STX6: variants seen among roughly 807,000 people sequenced by gnomAD.
STX6 encodes syntaxin-6.
STX6 carries 23 observed loss-of-function variants against 38.0 expected under a neutral mutation model. The ratio of observed to expected loss-of-function variants is 0.60; its 90% CI spans 0.43 to 0.86. The LOEUF is 0.86. Ranked by LOEUF, STX6 falls within the 40% of genes least tolerant of loss-of-function variation. The pLI is 0.00. For missense variants in STX6, 274 were observed against 312.9 expected (o/e 0.88, Z 0.94); for synonymous variants, 123 against 107.5 (o/e 1.14, Z -0.89).
Position 180,974,398 on chromosome 1 carries a change from A to G in STX6, c.*2172T>C, listed in dbSNP as rs1182980265. On this transcript the variant is annotated 3_prime_UTR_variant, in exon 8 of 8. Coordinates refer to ENST00000258301, the MANE Select transcript of STX6 (RefSeq NM_005819.6). ...TTAAATCAGTGAGGTAAGCACGCCG[A>G]TTTGAAATATATCCAAACATCATTA... 1 of 152,616 alleles carries G rather than the reference A, an allele frequency of 6.6e-6. No homozygotes were observed. Among genetic ancestry groups the G allele is most frequent in the Non-Finnish European group, 1.5e-5 (1 of 68,048 alleles). The allele number at this position is 152,616 out of a possible 1,614,324, so 9.5% of individuals were successfully genotyped here. A position where few individuals can be genotyped will look rare whatever the true frequency, so the allele number is the denominator to read the frequency against.
intron 1 of STX6, among the ~76,000 whole-genome samples, chr1:181,009,204 T>C (rs1428350470): frequency 1.3e-5 from 2 of 152,272 alleles, no homozygotes; most frequent in South Asian, 2.1e-4. Flanking sequence ...CAGTGGCTCA[T>C]GCCTGTAATC....
chr1:180,979,216 A>G (rs1655336501), intron 7 of STX6, among the ~76,000 whole-genome samples: 1 of 152,212 alleles, frequency 6.6e-6, no homozygotes, highest in Non-Finnish European at 1.5e-5. Context: ...TGAGCTTCAC[A>G]ATTTGTCAAC....
At chr1:180,980,655 A>C (rs976388267) in intron 7 of STX6, 1 of 140,842 alleles carries the variant, frequency 7.1e-6, no homozygotes, top group African/African-American at 2.7e-5. Flanking sequence ...CCTGGGTTCA[A>C]GCGATTCTCC....
intron 3 of STX6, among the ~76,000 whole-genome samples, chr1:181,001,888 A>C (rs1025519411): frequency 6.6e-6 from 1 of 152,250 alleles, no homozygotes; most frequent in African/African-American, 2.4e-5. Context: ...CTCGGAAATA[A>C]GCCTGACAGG....
chr1:181,004,859 T>C (rs1201824509), intron 2 of STX6, among the ~76,000 whole-genome samples: 1 of 151,864 alleles, frequency 6.6e-6, no homozygotes, highest in African/African-American at 2.4e-5. Flanking sequence ...CTTGTGGGAC[T>C]GAGCTCTTAA....
At chr1:180,993,771 T>C (rs569045656) in intron 3 of STX6, among the ~76,000 whole-genome samples, 1 of 152,258 alleles carries the variant, frequency 6.6e-6, no homozygotes, top group South Asian at 2.1e-4. Flanking sequence ...CATTTTAAGG[T>C]TGAGGAGACC....
chr1:180,979,927 C>T (rs547790746), intron 7 of STX6, among the ~76,000 whole-genome samples: 3 of 152,252 alleles, frequency 2.0e-5, no homozygotes, highest in East Asian at 1.9e-4. Context: ...AGAGATGGGG[C>T]TGGGCAAGGT....
chr1:181,004,579 C>T (rs1391427476), intron 2 of STX6, among the ~76,000 whole-genome samples: 1 of 152,172 alleles, frequency 6.6e-6, no homozygotes, highest in African/African-American at 2.4e-5. Context: ...CCTGGAGGCA[C>T]CTGAAGAGGG....
chr1:181,000,265 ACT>A (rs1306666515), intron 3 of STX6, among the ~76,000 whole-genome samples: 2 of 152,204 alleles, frequency 1.3e-5, no homozygotes, highest in Non-Finnish European at 2.9e-5. Flanking sequence ...ACCTCTCATT[ACT>A]CTGTTCTCAC....
chr1:181,016,227 AT>A (rs1656552432), intron 1 of STX6, among the ~76,000 whole-genome samples: 1 of 82,492 alleles, frequency 1.2e-5, no homozygotes, highest in South Asian at 4.0e-4. Flanking sequence ...TCCCATCTTT[AT>A]CTTTCTCATT....
chr1:180,990,627 C>T (rs1210515667), intron 4 of STX6, among the ~76,000 whole-genome samples: 1 of 152,070 alleles, frequency 6.6e-6, no homozygotes, highest in African/African-American at 2.4e-5. Context: ...GGCACAAGAA[C>T]CATCAATGTC....
Position 180,975,582 on chromosome 1 carries a change from T to C in STX6, c.*988A>G, listed in dbSNP as rs1479926431. On this transcript the variant is annotated 3_prime_UTR_variant, in exon 8 of 8. Transcript: ENST00000258301. ...CCTTTTATGTCATTACGTTTCTTAATAAATGTAATAAATGTACTAACCACT... is the reference window on the plus strand; with the variant it reads ...CCTTTTATGTCATTACGTTTCTTAACAAATGTAATAAATGTACTAACCACT... 1 of 152,466 alleles carries C rather than the reference T, an allele frequency of 6.6e-6. No homozygotes were observed. The highest frequency in any genetic ancestry group is 1.5e-5 in the Non-Finnish European group (1 of 68,050). The allele number at this position is 152,466 out of a possible 1,614,324, so 9.4% of individuals were successfully genotyped here.
intron 1 of STX6, among the ~76,000 whole-genome samples, chr1:181,018,314 T>C (rs555319189): frequency 2.3e-5 from 3 of 132,194 alleles, no homozygotes; most frequent in Middle Eastern, 0.01. Context: ...ACCCAAGAGG[T>C]AGAGGTTGCA....
At chr1:180,995,817 C>T (rs1468155003) in intron 3 of STX6, among the ~76,000 whole-genome samples, 4 of 152,148 alleles carry the variant, frequency 2.6e-5, no homozygotes, top group Non-Finnish European at 5.9e-5. Flanking sequence ...AGCCTTTGAA[C>T]ATTACATGTA....
Position 180,984,775 on chromosome 1 carries a change from G to C in STX6, c.597-4C>G. On this transcript the variant is annotated splice_region_variant and splice_polypyrimidine_tract_variant and intron_variant, in intron 6 of 7. Transcript: ENST00000258301. ...GTGAGAGAAATCTTCCAACATACTA[G>C]AGAGAAGCAGACACAGAAGGTCGCT... 1.4e-6 allele frequency: 2 copies of C among 1,454,814 alleles called. No homozygotes were observed. The highest frequency in any genetic ancestry group is 1.9e-6 in the Non-Finnish European group (2 of 1,035,704). The allele number at this position is 1,454,814 out of a possible 1,614,324, so 90.1% of individuals were successfully genotyped here.
intron 2 of STX6, among the ~76,000 whole-genome samples, chr1:181,004,875 G>C (rs1270416782): frequency 6.6e-6 from 1 of 151,606 alleles, no homozygotes; most frequent in African/African-American, 2.4e-5. Context: ...CTTAACCTGT[G>C]GACCTGATGC....
At chr1:180,990,323 G>A (rs1014219820) in intron 4 of STX6, among the ~76,000 whole-genome samples, 2 of 152,210 alleles carry the variant, frequency 1.3e-5, no homozygotes, top group Non-Finnish European at 1.5e-5. Context: ...CTCCCAATAG[G>A]CCTCACAATG....
intron 3 of STX6, among the ~76,000 whole-genome samples, chr1:180,997,910 G>A (rs902017536): frequency 1.3e-5 from 2 of 152,200 alleles, no homozygotes; most frequent in African/African-American, 4.8e-5. Flanking sequence ...GAGTGAAATT[G>A]GAGAACGAAG....
At chr1:180,992,714 T>A (rs1270698232) in intron 4 of STX6, among the ~76,000 whole-genome samples, 1 of 152,230 alleles carries the variant, frequency 6.6e-6, no homozygotes, top group African/African-American at 2.4e-5. Flanking sequence ...TCATTCTACA[T>A]TTTTTAAAAG....
Sources: gnomAD v4.1 joint callset for allele counts (sites outside exome capture counted in the v4.1 genomes callset) on GRCh38, gnomAD v4.1.1 for gene constraint, MANE v1.5 for transcripts, NCBI Gene and HGNC (gene_info 2026-07-23, HGNC 2026-07-21) for gene names.